The following SIPA1L3 variants were observed in gnomAD, a reference collection of about 807,000 sequenced individuals.
SIPA1L3 encodes signal induced proliferation associated 1 like 3.
SIPA1L3 carries 59 observed loss-of-function variants against 150.1 expected under a neutral mutation model. The observed-to-expected ratio is 0.39, with a 90% CI of 0.32 to 0.49. The LOEUF is 0.49. SIPA1L3 is among the 20% of genes least tolerant of loss of function. SIPA1L3 has a pLI of 0.86. For synonymous variants in SIPA1L3, 1,070 were observed against 1,077.6 expected, an observed-to-expected ratio of 0.99 and a Z score of 0.14; for missense variants, 2,211 against 2,489.5, an observed-to-expected ratio of 0.89 and a Z score of 2.38.
rs1972971269 is a variant in SIPA1L3, at chr19:38,197,032, GAGT to G, written c.4841-1352_4841-1350del. ...GTATACCTCATATGTAGTCAGCACT[GAGT>G]AGTACTAGCTGGAAGCCATGTGAGC... On this transcript the variant is annotated intron_variant, in intron 18 of 21. Transcript: ENST00000222345. 2.0e-5 allele frequency among the ~76,000 whole-genome samples: 3 copies of G among 152,190 alleles called. No individual in the cohort carries two copies. In the South Asian group the frequency reaches 6.2e-4, roughly 32 times the overall value.
intron 2 of SIPA1L3, among the ~76,000 whole-genome samples, chr19:38,072,612 C>T (rs748815552): frequency 6.6e-6 from 1 of 152,276 alleles, no homozygotes; most frequent in Non-Finnish European, 1.5e-5. Flanking sequence ...AGCTCCAGCA[C>T]TCCTGGTAAA....
chr19:37,969,085 C>T (rs2046930228), intron 1 of SIPA1L3, among the ~76,000 whole-genome samples: 2 of 152,110 alleles, frequency 1.3e-5, no homozygotes, highest in Non-Finnish European at 2.9e-5. Flanking sequence ...TTCAAAAATC[C>T]TGACCAGGAA....
chr19:38,087,893 C>T (rs957531802), intron 3 of SIPA1L3: 2 of 152,276 alleles, frequency 1.3e-5, no homozygotes, highest in African/African-American at 4.8e-5. Flanking sequence ...TGGCGGGCGC[C>T]TGTAGTCCCA....
intron 8 of SIPA1L3, among the ~76,000 whole-genome samples, chr19:38,118,356 C>T (rs1298130942): frequency 6.6e-6 from 1 of 150,494 alleles, no homozygotes; most frequent in Non-Finnish European, 1.5e-5. Flanking sequence ...ACCCAGGAGA[C>T]AGAGGTTGCT....
intron 18 of SIPA1L3, among the ~76,000 whole-genome samples, chr19:38,196,402 AGGAGGTCAAGGGCAGAGCAT>A (rs1216250900): frequency 2.3e-3 from 328 of 141,798 alleles, no homozygotes; most frequent in African/African-American, 8.6e-3. Context: ...GGGCAGAGCA[AGGAGGTCAAGGGCAGAGCAT>A]GGAGGTCAAG....
chr19:38,071,174 A>G (rs1969707418), intron 2 of SIPA1L3, among the ~76,000 whole-genome samples: 1 of 152,134 alleles, frequency 6.6e-6, no homozygotes, highest in African/African-American at 2.4e-5. Context: ...GTTGTCATCC[A>G]TCCAGTCATT....
intron 1 of SIPA1L3, among the ~76,000 whole-genome samples, chr19:37,949,605 C>T (rs916165792): frequency 2.6e-5 from 4 of 151,170 alleles, no homozygotes; most frequent in African/African-American, 4.9e-5. Flanking sequence ...GCGGAGGTTG[C>T]GGTAAGCTGA....
chr19:38,004,527 C>G (rs1340701176), intron 1 of SIPA1L3, among the ~76,000 whole-genome samples: 5 of 152,196 alleles, frequency 3.3e-5, no homozygotes, highest in African/African-American at 1.2e-4. Context: ...CAGTGTCATC[C>G]TCAAACGTGG....
intron 19 of SIPA1L3, chr19:38,200,255 C>T (rs978486712): frequency 3.9e-5 from 6 of 152,176 alleles, no homozygotes; most frequent in Admixed American, 3.3e-4. Flanking sequence ...TATCACACAC[C>T]TGTAGTCCAA....
At chr19:38,025,508 G>C (rs1968489262) in intron 1 of SIPA1L3, among the ~76,000 whole-genome samples, 1 of 152,208 alleles carries the variant, frequency 6.6e-6, no homozygotes. Context: ...CAGGGCGACG[G>C]GCATCCGCAG....
chr19:37,971,275 C>G (rs1966925182), intron 1 of SIPA1L3, among the ~76,000 whole-genome samples: 1 of 152,004 alleles, frequency 6.6e-6, no homozygotes, highest in African/African-American at 2.4e-5. Context: ...GCCACTGCAC[C>G]TGGCATATTT....
intron 20 of SIPA1L3, chr19:38,203,644 G>C (rs1291231770): frequency 6.5e-6 from 1 of 153,850 alleles, no homozygotes; most frequent in Non-Finnish European, 1.4e-5. Flanking sequence ...CTTGTTGCGG[G>C]GTGGCTCTCA....
At chr19:37,921,817 G>C (rs1238787215) in intron 1 of SIPA1L3, among the ~76,000 whole-genome samples, 1 of 151,846 alleles carries the variant, frequency 6.6e-6, no homozygotes, top group Non-Finnish European at 1.5e-5. Flanking sequence ...TGTCGTGGCT[G>C]GTCTCGAACT....
intron 15 of SIPA1L3, among the ~76,000 whole-genome samples, chr19:38,168,614 C>T (rs966777997): frequency 9.2e-5 from 14 of 152,032 alleles, no homozygotes; most frequent in African/African-American, 3.1e-4. Flanking sequence ...ACCACCTTAG[C>T]GAACCCGAAC....
At chr19:38,003,053 T>C (rs1046912699) in intron 1 of SIPA1L3, among the ~76,000 whole-genome samples, 9 of 151,840 alleles carry the variant, frequency 5.9e-5, no homozygotes, top group African/African-American at 2.2e-4. Flanking sequence ...AGCTGAGGCA[T>C]GAGAATGGCT....
intron 21 of SIPA1L3, among the ~76,000 whole-genome samples, 164 bp from the exon 22 acceptor site, chr19:38,205,933 C>T (rs1231716979): frequency 6.6e-6 from 1 of 152,310 alleles, no homozygotes; most frequent in African/African-American, 2.4e-5. Context: ...CAGGGTCCCT[C>T]GGTTGTGGAG....
At chr19:38,165,954 G>T (rs1972199814) in intron 15 of SIPA1L3, among the ~76,000 whole-genome samples, 1 of 151,992 alleles carries the variant, frequency 6.6e-6, no homozygotes, top group Non-Finnish European at 1.5e-5. Context: ...GTAGAGACAG[G>T]GTTTCACCAT....
chr19:37,989,810 C>T (rs1251080442), intron 1 of SIPA1L3, among the ~76,000 whole-genome samples: 1 of 151,982 alleles, frequency 6.6e-6, no homozygotes, highest in East Asian at 1.9e-4. Context: ...GCTGGGATTG[C>T]AGACGTGAGC....
intron 1 of SIPA1L3, among the ~76,000 whole-genome samples, chr19:37,922,544 C>T (rs910643657): frequency 9.2e-5 from 14 of 151,956 alleles, no homozygotes; most frequent in African/African-American, 3.4e-4. Context: ...CAGGTACCCG[C>T]CACCGCACCC....
Sources: gnomAD v4.1 joint callset for allele counts (sites outside exome capture counted in the v4.1 genomes callset) on GRCh38, gnomAD v4.1.1 for gene constraint, MANE v1.5 for transcripts, NCBI Gene and HGNC (gene_info 2026-07-23, HGNC 2026-07-21) for gene names.